The following IMMP2L variants were observed in gnomAD, a reference collection of about 807,000 sequenced individuals.
IMMP2L encodes mitochondrial inner membrane protease subunit 2.
Under a neutral mutation model 19.3 loss-of-function variants are expected in IMMP2L, and 18 were observed. That is an observed-to-expected ratio of 0.93 (90% CI 0.64 to 1.38). The LOEUF (loss-of-function observed/expected upper bound fraction) is 1.38, where lower values mean the gene tolerates loss of function less well. Ranked by LOEUF, IMMP2L falls within the 40% of genes most tolerant of loss-of-function variation. The pLI is 0.00. For synonymous variants in IMMP2L, 76 were observed against 73.0 expected (o/e 1.04, Z -0.21); for missense variants, 233 against 218.2 (o/e 1.07, Z -0.43).
At chr7:110,962,902 A>T in intron 4 of IMMP2L, 2 of 1,369,224 alleles carry the variant, frequency 1.5e-6, no homozygotes, top group South Asian at 3.9e-5. Context: ...AATGAGACAC[A>T]TCATGCCACA....
intron 3 of IMMP2L, among the ~76,000 whole-genome samples, chr7:111,291,634 T>C (rs888086295): frequency 2.6e-5 from 4 of 152,140 alleles, no homozygotes; most frequent in Admixed American, 6.6e-5. Flanking sequence ...AAAATGGTGA[T>C]TAAAGGGTAC....
At chr7:111,098,915 T>C (rs377026900) in intron 3 of IMMP2L, among the ~76,000 whole-genome samples, 1 of 151,770 alleles carries the variant, frequency 6.6e-6, no homozygotes, top group South Asian at 2.1e-4. Context: ...CAAAATACAG[T>C]AACTCTGTTT....
At chr7:111,541,388 T>C (rs368556178) in intron 1 of IMMP2L, among the ~76,000 whole-genome samples, 10 of 152,320 alleles carry the variant, frequency 6.6e-5, no homozygotes, top group African/African-American at 2.2e-4. Flanking sequence ...TTGGGTAATA[T>C]GGGAAAAGAC....
At chr7:111,226,162 T>G (rs970958506) in intron 3 of IMMP2L, among the ~76,000 whole-genome samples, 4 of 151,974 alleles carry the variant, frequency 2.6e-5, no homozygotes, top group Non-Finnish European at 5.9e-5. Flanking sequence ...TTTTTTGTTT[T>G]GTTTTGTTTT....
At chr7:111,134,523 T>A (rs1270575032) in intron 3 of IMMP2L, among the ~76,000 whole-genome samples, 7 of 152,026 alleles carry the variant, frequency 4.6e-5, no homozygotes, top group African/African-American at 2.4e-5. Context: ...TGTCACAGCA[T>A]TTTTGAAAGC....
chr7:111,171,026 A>G (rs1268928849), intron 3 of IMMP2L, among the ~76,000 whole-genome samples: 1 of 151,856 alleles, frequency 6.6e-6, no homozygotes, highest in Non-Finnish European at 1.5e-5. Flanking sequence ...AGAAGGCAAG[A>G]GAAAACTCTG....
At chr7:111,217,118 T>A (rs1161716415) in intron 3 of IMMP2L, among the ~76,000 whole-genome samples, 20 of 144,474 alleles carry the variant, frequency 1.4e-4, no homozygotes, top group African/African-American at 4.5e-4. Context: ...TCTCTCTCTC[T>A]CTCTCTCTCA....
intron 3 of IMMP2L, among the ~76,000 whole-genome samples, chr7:111,328,842 T>C (rs1825597187): frequency 6.6e-6 from 1 of 151,660 alleles, no homozygotes; most frequent in Non-Finnish European, 1.5e-5. Context: ...TTTTCTCAGA[T>C]AAAAAGACAG....
chr7:110,782,997 T>A (rs1562972024), intron 5 of IMMP2L, among the ~76,000 whole-genome samples: 3 of 151,846 alleles, frequency 2.0e-5, no homozygotes, highest in Non-Finnish European at 4.4e-5. Context: ...GGAAGAGGAA[T>A]AAGTAAGGGA....
chr7:111,442,042 C>A (rs540108015), intron 3 of IMMP2L, among the ~76,000 whole-genome samples: 1 of 151,568 alleles, frequency 6.6e-6, no homozygotes, highest in Admixed American at 6.6e-5. Flanking sequence ...GAGGCTGAGG[C>A]AAGAGAATCG....
At chr7:111,309,725 A>G (rs1018968324) in intron 3 of IMMP2L, among the ~76,000 whole-genome samples, 2 of 152,164 alleles carry the variant, frequency 1.3e-5, no homozygotes, top group Non-Finnish European at 2.9e-5. Context: ...TCACAGTAGT[A>G]TTTGTTGTAC....
chr7:111,187,082 G>A (rs578069017), intron 3 of IMMP2L, among the ~76,000 whole-genome samples: 105 of 152,180 alleles, frequency 6.9e-4, no homozygotes, highest in African/African-American at 2.2e-3. Flanking sequence ...GACTGCAAAC[G>A]TATAAATAAA....
intron 3 of IMMP2L, among the ~76,000 whole-genome samples, chr7:111,281,830 T>C (rs1303725886): frequency 6.6e-6 from 1 of 152,120 alleles, no homozygotes; most frequent in Non-Finnish European, 1.5e-5. Flanking sequence ...TAAACAGCTC[T>C]TCTCTAAAGG....
At chr7:111,086,323 C>A (rs534645217) in intron 3 of IMMP2L, among the ~76,000 whole-genome samples, 2 of 151,692 alleles carry the variant, frequency 1.3e-5, no homozygotes, top group African/African-American at 4.8e-5. Context: ...GCCTGTGGTC[C>A]TAGCTACTCT....
At chr7:111,436,510 T>C (rs964049431) in intron 3 of IMMP2L, among the ~76,000 whole-genome samples, 2 of 151,058 alleles carry the variant, frequency 1.3e-5, no homozygotes, top group Non-Finnish European at 2.9e-5. Context: ...CTTTTTTTCT[T>C]ACACACACAC....
chr7:110,969,729 T>A (rs1289261164), intron 3 of IMMP2L, among the ~76,000 whole-genome samples: 1 of 151,832 alleles, frequency 6.6e-6, no homozygotes, highest in Non-Finnish European at 1.5e-5. Context: ...TTTTGTGGGG[T>A]GGGGATGGAA....
At chr7:110,873,720 G>C (rs1458460631) in intron 5 of IMMP2L, among the ~76,000 whole-genome samples, 2 of 151,156 alleles carry the variant, frequency 1.3e-5, no homozygotes, top group Non-Finnish European at 2.9e-5. Context: ...GTTGCAGTGA[G>C]CCAAGATGGT....
In IMMP2L at chr7:111,301,921, TAAAAA is replaced by T. The variant is rs59156229; in HGVS notation, c.239+185312_239+185316del. On this transcript the variant is annotated intron_variant, in intron 3 of 5. Transcript: ENST00000405709. ...ATTACGCCATGTCAGTTTCATGCTTTAAAAAAAAAAAAAAAAAAAAAAAAAAAAAA... is the reference window on the plus strand; with the variant it reads ...ATTACGCCATGTCAGTTTCATGCTTTAAAAAAAAAAAAAAAAAAAAAAAAA... 8.4e-3 allele frequency among the ~76,000 whole-genome samples: 700 copies of T among 83,136 alleles called. 10 individuals carry two copies. Among genetic ancestry groups the T allele is most frequent in the African/African-American group, 0.031 (641 of 20,842 alleles). 54.5% of individuals were successfully genotyped at this position (83,136 alleles called of 152,430 possible). A position where few individuals can be genotyped will look rare whatever the true frequency, so the allele number is the denominator to read the frequency against.
At chr7:110,876,923 A>G (rs549403290) in intron 5 of IMMP2L, among the ~76,000 whole-genome samples, 2 of 152,300 alleles carry the variant, frequency 1.3e-5, no homozygotes, top group Non-Finnish European at 2.9e-5. Flanking sequence ...ACAGCCAGAC[A>G]TAATCAGTCC....
Sources: gnomAD v4.1 joint callset for allele counts (sites outside exome capture counted in the v4.1 genomes callset) on GRCh38, gnomAD v4.1.1 for gene constraint, MANE v1.5 for transcripts, NCBI Gene and HGNC (gene_info 2026-07-23, HGNC 2026-07-21) for gene names.